The following IDI1 variants were observed in gnomAD, a reference collection of about 807,000 sequenced individuals.
The protein encoded by IDI1 is isopentenyl-diphosphate delta isomerase 1.
In IDI1, 23 loss-of-function variants were observed where a neutral mutation model predicts 32.9. The ratio of observed to expected loss-of-function variants is 0.70; its 90% CI spans 0.50 to 0.99. The LOEUF is 0.99. Ranked by LOEUF, IDI1 falls within the 50% of genes least tolerant of loss-of-function variation. The pLI is 0.00. For missense variants in IDI1, 326 were observed against 351.9 expected, an observed-to-expected ratio of 0.93 and a Z score of 0.59; for synonymous variants, 133 against 128.2, an observed-to-expected ratio of 1.04 and a Z score of -0.25.
At position 1,040,630 on chromosome 10, in the gene IDI1, CAG is replaced by C. The variant is rs1256787523; in HGVS notation, c.*555_*556del. On this transcript the variant is annotated 3_prime_UTR_variant, in exon 5 of 5. Coordinates refer to ENST00000381344, the MANE Select transcript of IDI1 (RefSeq NM_004508.4). ...GAATGAATAAACCACACAATCAACT[CAG>C]AATGATACAAATTAGGGTCCATATC... The C allele has an allele frequency of 6.6e-6, 1 of 152,450 alleles. No homozygotes were observed. The highest frequency in any genetic ancestry group is 1.5e-5 in the Non-Finnish European group (1 of 68,218). 9.4% of individuals were successfully genotyped at this position (152,450 alleles called of 1,614,324 possible).
At chr10:1,047,741 T>G (rs545821666) in intron 1 of IDI1, among the ~76,000 whole-genome samples, 80 of 152,374 alleles carry the variant, frequency 5.3e-4, no homozygotes, top group African/African-American at 1.8e-3. Context: ...AAAGTATCCC[T>G]GTTAAGTGAT....
chr10:1,053,311 C>T (rs1833061097), upstream of IDI1, among the ~76,000 whole-genome samples: 1 of 152,122 alleles, frequency 6.6e-6, no homozygotes, highest in Non-Finnish European at 1.5e-5. Flanking sequence ...CTATCTTGCA[C>T]TTTTGTATTA....
chr10:1,043,767 G>T, intron 2 of IDI1: 1 of 672,396 alleles, frequency 1.5e-6, no homozygotes. Flanking sequence ...CCTCTTCTAT[G>T]AATCCAGAAT....
At chr10:1,043,581 C>A in intron 2 of IDI1, 188 bp from the exon 3 acceptor site, 1 of 688,530 alleles carries the variant, frequency 1.5e-6, no homozygotes. Flanking sequence ...GGAAGTTGGC[C>A]GTCGAGTGAA....
chr10:1,049,170 C>A, upstream of IDI1: 1 of 1,159,984 alleles, frequency 8.6e-7, no homozygotes, highest in South Asian at 1.7e-5. Flanking sequence ...ACGCCCCACC[C>A]CCAGTTCCGC....
At chr10:1,055,629 TA>T in the IDI1 span, among the ~76,000 whole-genome samples, 75 of 152,356 alleles carry the variant, frequency 4.9e-4, no homozygotes, top group Non-Finnish European at 9.4e-4. Flanking sequence ...AAAACTCAAA[TA>T]TTTTTTTCCT....
rs926450821 is a variant in IDI1, at chr10:1,041,079, T to C, written c.*108A>G. 6 of 684,826 alleles carry C rather than the reference T, an allele frequency of 8.8e-6. No homozygotes were observed. The highest frequency in any genetic ancestry group is 5.4e-5 in the African/African-American group (3 of 55,272). The allele number at this position is 684,826 out of a possible 1,614,324, so 42.4% of individuals were successfully genotyped here. ...ATACATTAATGATAGTACCAAATGATAGAACTAAATTTAATGATAAATTAA... is the reference window on the plus strand; with the variant it reads ...ATACATTAATGATAGTACCAAATGACAGAACTAAATTTAATGATAAATTAA... On this transcript the variant is annotated 3_prime_UTR_variant, in exon 5 of 5. Transcript: ENST00000381344.
At chr10:1,052,460 T>C (rs1290599277), upstream of IDI1, among the ~76,000 whole-genome samples, 1 of 152,264 alleles carries the variant, frequency 6.6e-6, no homozygotes, top group African/African-American at 2.4e-5. Context: ...AAATGACTTC[T>C]TGAGCTATGG....
Position 1,048,897 on chromosome 10 carries a change from C to G in IDI1, c.107G>C (p.Gly36Ala). ...CCTCCGGCCACAGACAACCGCCGGT[C>G]CCGGATGGCGCCCGCTTTGAGCACA... ...ADCAQSGRHP[G>A]PAVVCGRRLI... Residue 36 changes from glycine to alanine, a missense_variant, in exon 1 of 5, where the codon GGA becomes GCA. Transcript: ENST00000381344. 6.2e-7 allele frequency: 1 copy of G among 1,607,074 alleles called. No individual in the cohort carries two copies. Among genetic ancestry groups the G allele is most frequent in the Non-Finnish European group, 8.5e-7 (1 of 1,177,962 alleles).
chr10:1,041,090 T>G lies in IDI1; in HGVS notation c.*97A>C, dbSNP rs1832563712. 2.2e-5 allele frequency: 16 copies of G among 714,340 alleles called. No individual in the cohort carries two copies. Among genetic ancestry groups the G allele is most frequent in the Non-Finnish European group, 1.8e-5 (8 of 437,650 alleles). The allele number at this position is 714,340 out of a possible 1,614,324, so 44.3% of individuals were successfully genotyped here. On this transcript the variant is annotated 3_prime_UTR_variant, in exon 5 of 5. Transcript: ENST00000381344. ...ATAGTACCAAATGATAGAACTAAAT[T>G]TAATGATAAATTAATGATAGAACTA...
chr10:1,041,561 T>C, intron 4 of IDI1, 57 bp from the exon 5 acceptor site: 1 of 978,786 alleles, frequency 1.0e-6, no homozygotes, highest in East Asian at 2.6e-5. Context: ...ACAAAAAAAA[T>C]CTAAAATTAG....
At chr10:1,049,150 G>C, upstream of IDI1, 1 of 1,322,064 alleles carries the variant, frequency 7.6e-7, no homozygotes, top group Non-Finnish European at 9.8e-7. Flanking sequence ...GCGCCTTTAA[G>C]GGGGTCAACA....
intron 1 of IDI1, 75 bp downstream of exon 1, chr10:1,048,789 C>CT (rs977318664): frequency 3.2e-6 from 5 of 1,550,530 alleles, no homozygotes; most frequent in Non-Finnish European, 4.3e-6. Flanking sequence ...CTCGGGCCTC[C>CT]TCCCCGCCCC....
chr10:1,044,139 A>C lies in IDI1; in HGVS notation c.173T>G (p.Met58Arg). The C allele has an allele frequency of 6.2e-7, 1 of 1,613,900 alleles. No homozygotes were observed. Among genetic ancestry groups the C allele is most frequent in the Non-Finnish European group, 8.5e-7 (1 of 1,179,760 alleles). The change falls in exon 2 of 5, where the codon ATG (methionine) becomes AGG (arginine). Residue 58 changes from methionine to arginine, a missense_variant. Transcript: ENST00000381344. ...VLEQIRHFVM[M>R]PEINTNHLDK... ...GAGGTGGTTAGTGTTTATTTCAGGC[A>C]TCATTACAAAATGTCTGATCTGTTC...
At position 1,041,303 on chromosome 10, in the gene IDI1, C is replaced by T; in HGVS notation, c.739G>A (p.Glu247Lys). 6.2e-7 allele frequency: 1 copy of T among 1,613,546 alleles called. No homozygotes were observed. The highest frequency in any genetic ancestry group is 8.5e-7 in the Non-Finnish European group (1 of 1,179,580). The change falls in exon 5 of 5, where the codon GAA becomes AAA. Residue 247 changes from glutamate (E) to lysine (K), a missense_variant. Glu to Lys is a moderately conservative substitution (Grantham distance 56). Coordinates refer to ENST00000381344, the MANE Select transcript of IDI1 (RefSeq NM_004508.4). ...KELLKKAASG[E>K]IKITPWFKII... ...TTAAACCATGGCGTTATCTTAATTT[C>T]ACCACTGGCTGCTTTTTTCAGAAGT...
At chr10:1,050,149 G>C (rs574169790), upstream of IDI1, among the ~76,000 whole-genome samples, 20 of 152,220 alleles carry the variant, frequency 1.3e-4, no homozygotes, top group Admixed American at 1.2e-3. Flanking sequence ...TTTGCTCACT[G>C]TTGTTTACTA....
At position 1,048,946 on chromosome 10, in the gene IDI1, G is replaced by T; in HGVS notation, c.58C>A (p.Gln20Lys). The change falls in exon 1 of 5, where the codon CAG becomes AAG. Residue 20 changes from glutamine (Q) to lysine (K), a missense_variant. Gln to Lys is a moderately conservative substitution (Grantham distance 53, BLOSUM62 1). Transcript: ENST00000381344. ...AIGCAARGRG[Q>K]WAVRAADCAQ... ...CAGTCTGCGGCGCGCACCGCCCACT[G>T]GCCCCGCCCCCGGGCCGCGCAGCCA... 1 of 1,577,090 alleles carries T rather than the reference G, an allele frequency of 6.3e-7. No individual in the cohort carries two copies. The highest frequency in any genetic ancestry group is 8.6e-7 in the Non-Finnish European group (1 of 1,165,050).
At chr10:1,048,224 A>T (rs1219822917) in intron 1 of IDI1, 3 of 1,297,552 alleles carry the variant, frequency 2.3e-6, no homozygotes, top group Non-Finnish European at 3.1e-6. Context: ...CATAATCACA[A>T]GATAAAATGA....
chr10:1,042,586 T>A, intron 4 of IDI1, 46 bp downstream of exon 4: 2 of 1,597,932 alleles, frequency 1.3e-6, no homozygotes, highest in Non-Finnish European at 1.7e-6. Context: ...CTTTTTATAG[T>A]ATGTTTAGGT....
Sources: allele counts gnomAD v4.1 joint callset (sites outside exome capture counted in the v4.1 genomes callset), GRCh38; gene constraint gnomAD v4.1.1; transcripts MANE v1.5; gene names NCBI Gene and HGNC (gene_info 2026-07-23, HGNC 2026-07-21).